Variants in FRMD3 observed in about 807,000 individuals in gnomAD.
The protein encoded by FRMD3 is FERM domain containing 3.
In FRMD3, 33 loss-of-function variants were observed where a neutral mutation model predicts 70.2. The observed-to-expected ratio is 0.47, with a 90% CI of 0.36 to 0.63. FRMD3 has a LOEUF of 0.63. FRMD3 is among the 20% of genes least tolerant of loss of function. FRMD3 has a pLI of 0.00. For missense variants in FRMD3, 632 were observed against 711.4 expected, an observed-to-expected ratio of 0.89 and a Z score of 1.27; for synonymous variants, 279 against 255.9, an observed-to-expected ratio of 1.09 and a Z score of -0.86.
chr9:83,496,769 C>T (rs1419572665), intron 1 of FRMD3, among the ~76,000 whole-genome samples: 3 of 152,168 alleles, frequency 2.0e-5, no homozygotes, highest in Non-Finnish European at 4.4e-5. Context: ...GTCTGTAGCA[C>T]AAGGGTTTTA....
chr9:83,368,456 C>T (rs1023604326), intron 3 of FRMD3, among the ~76,000 whole-genome samples: 4 of 151,906 alleles, frequency 2.6e-5, no homozygotes, highest in African/African-American at 9.7e-5. Flanking sequence ...CTCAGCCTCC[C>T]GAGTAGCTGG....
At chr9:83,534,579 T>C (rs898466815) in intron 1 of FRMD3, among the ~76,000 whole-genome samples, 2 of 152,154 alleles carry the variant, frequency 1.3e-5, no homozygotes, top group African/African-American at 4.8e-5. Flanking sequence ...CCTTTCACCA[T>C]CACACCCTCT....
At chr9:83,299,493 G>T (rs1834816903) in intron 10 of FRMD3, among the ~76,000 whole-genome samples, 1 of 152,202 alleles carries the variant, frequency 6.6e-6, no homozygotes, top group African/African-American at 2.4e-5. Context: ...GGGCAGTGAT[G>T]ATCAGAAGGA....
chr9:83,463,898 T>C (rs1363922017), intron 1 of FRMD3, among the ~76,000 whole-genome samples: 1 of 152,222 alleles, frequency 6.6e-6, no homozygotes, highest in African/African-American at 2.4e-5. Flanking sequence ...TCATCTGACA[T>C]GTAGACACCT....
chr9:83,374,229 C>A (rs978545600), intron 2 of FRMD3, among the ~76,000 whole-genome samples: 2 of 152,022 alleles, frequency 1.3e-5, no homozygotes. Context: ...ATATTCTTCT[C>A]GGTGAGCACT....
In FRMD3 at chr9:83,248,383, A is replaced by C; in HGVS notation, c.1329T>G (p.Ser443=). The change falls in exon 14 of 14, where the codon TCT becomes TCG. Residue 443 remains serine (S), a synonymous_variant. Transcript: ENST00000304195. ...TGGCACTTGGGTTGTACACTAGTTC[A>C]GAGATGGTTAAAGGTTCTTCTTTTA... ...DKIKEEPLTI[S]ELVYNPSASL... is the part of the protein sequence containing the mutation. 1 of 1,614,154 alleles carries C rather than the reference A, an allele frequency of 6.2e-7. No homozygotes were observed. Among genetic ancestry groups the C allele is most frequent in the South Asian group, 1.1e-5 (1 of 91,082 alleles).
intron 1 of FRMD3, among the ~76,000 whole-genome samples, chr9:83,402,767 A>C (rs1825983976): frequency 6.6e-6 from 1 of 152,146 alleles, no homozygotes; most frequent in African/African-American, 2.4e-5. Flanking sequence ...CTTCATTATT[A>C]GTTTTCAAGA....
In FRMD3 at chr9:83,323,781, T is replaced by C. The variant is rs1835903752; in HGVS notation, c.597-10034A>G. Among the ~76,000 whole-genome samples, 5 of 152,266 alleles carry C rather than the reference T, an allele frequency of 3.3e-5. No individual in the cohort carries two copies. The South Asian group carries it at 1.0e-3, about 31-fold the overall frequency. On this transcript the variant is annotated intron_variant, in intron 6 of 13. Coordinates refer to ENST00000304195, the MANE Select transcript of FRMD3 (RefSeq NM_174938.6). ...TATACACTGTATGATTCTATTTCTA[T>C]GGCTTTCAAAAATGAGCAAAGCAAA...
chr9:83,445,468 G>A (rs749788250), intron 1 of FRMD3, among the ~76,000 whole-genome samples: 13 of 152,194 alleles, frequency 8.5e-5, no homozygotes, highest in Non-Finnish European at 1.5e-4. Context: ...ACCGGAAGGG[G>A]CCTCTCTTTT....
At chr9:83,407,857 C>CTCTCTCTCATCTT (rs1826157427) in intron 1 of FRMD3, among the ~76,000 whole-genome samples, 1 of 129,840 alleles carries the variant, frequency 7.7e-6, no homozygotes, top group African/African-American at 3.9e-5. Flanking sequence ...CTCTCTCTCT[C>CTCTCTCTCATCTT]TCTCTCTCTC....
intron 1 of FRMD3, among the ~76,000 whole-genome samples, chr9:83,524,925 T>A (rs2131550228): frequency 6.6e-6 from 1 of 152,240 alleles, no homozygotes; most frequent in Admixed American, 6.5e-5. Context: ...GACAGTAATA[T>A]GTGTATCGAC....
At position 83,530,567 on chromosome 9, in the gene FRMD3, G is replaced by A. The variant is rs1390788264; in HGVS notation, c.147+7518C>T. On this transcript the variant is annotated intron_variant, in intron 1 of 13. Coordinates refer to ENST00000304195, the MANE Select transcript of FRMD3 (RefSeq NM_174938.6). ...TGAAAATATTCTAAAATTAATTGTG[G>A]TGATGACTGCACTACTCTCTGAATA... Among the ~76,000 whole-genome samples, 5 of 152,152 alleles carry A rather than the reference G, an allele frequency of 3.3e-5. No homozygotes were observed. In the East Asian group the frequency reaches 9.6e-4, roughly 29 times the overall value.
At chr9:83,388,251 C>G (rs546983135) in intron 2 of FRMD3, among the ~76,000 whole-genome samples, 1 of 152,252 alleles carries the variant, frequency 6.6e-6, no homozygotes, top group South Asian at 2.1e-4. Context: ...ACTCTGTGAG[C>G]CTCTCCTCAT....
intron 1 of FRMD3, among the ~76,000 whole-genome samples, chr9:83,473,571 C>T (rs2131463070): frequency 6.6e-6 from 1 of 152,220 alleles, no homozygotes; most frequent in Admixed American, 6.5e-5. Flanking sequence ...GTACATCATA[C>T]ACTTTCTATC....
chr9:83,297,173 T>C lies in FRMD3; in HGVS notation c.1070+1575A>G, dbSNP rs113301334. Among the ~76,000 whole-genome samples, 662 of 152,302 alleles carry C rather than the reference T, an allele frequency of 4.3e-3. 1 individual carries two copies. The highest frequency in any genetic ancestry group is 0.015 in the African/African-American group (635 of 41,580). On this transcript the variant is annotated intron_variant, in intron 12 of 13. Transcript: ENST00000304195. ...TTTGGAATATGTATCTCTGAAAGTA[T>C]ATTGCAAAAAAAGTGTCCTGCTTTG...
At chr9:83,585,076 A>G in the FRMD3 span, among the ~76,000 whole-genome samples, 1 of 152,122 alleles carries the variant, frequency 6.6e-6, no homozygotes, top group East Asian at 1.9e-4. Flanking sequence ...TCTCGGGGAG[A>G]CTGGCAAACC....
chr9:83,484,606 C>T (rs1199968731), intron 1 of FRMD3, among the ~76,000 whole-genome samples: 3 of 152,258 alleles, frequency 2.0e-5, no homozygotes, highest in East Asian at 3.9e-4. Context: ...TTAGTAGAGA[C>T]AGGGTGTCAC....
the FRMD3 span, among the ~76,000 whole-genome samples, chr9:83,544,139 C>T: frequency 6.6e-6 from 1 of 152,194 alleles, no homozygotes. Flanking sequence ...AGAGGCTCCA[C>T]ACCAAAGCCA....
At chr9:83,340,298 A>G (rs895653229) in intron 5 of FRMD3, among the ~76,000 whole-genome samples, 2 of 152,234 alleles carry the variant, frequency 1.3e-5, no homozygotes, top group African/African-American at 4.8e-5. Context: ...ACACAGGAAG[A>G]GTGCTGTGAA....
Sources: gnomAD v4.1 joint callset for allele counts (sites outside exome capture counted in the v4.1 genomes callset) on GRCh38, gnomAD v4.1.1 for gene constraint, MANE v1.5 for transcripts, NCBI Gene and HGNC (gene_info 2026-07-23, HGNC 2026-07-21) for gene names.